Variants in KIF5C observed in about 807,000 individuals in gnomAD.
KIF5C encodes the protein kinesin heavy chain isoform 5C.
Under a neutral mutation model 125.2 loss-of-function variants are expected in KIF5C, and 18 were observed. The observed-to-expected ratio is 0.14, with a 90% CI of 0.10 to 0.21. KIF5C has a LOEUF of 0.21. Among genes scored for constraint, KIF5C ranks in the 10% least tolerant of loss-of-function variants. The probability of loss-of-function intolerance (pLI) is 1.00; values close to 1 mark genes in which losing one functional copy is unlikely to be tolerated. For synonymous variants in KIF5C, 405 were observed against 434.0 expected, an observed-to-expected ratio of 0.93 and a Z score of 0.83; for missense variants, 780 against 1,183.8, an observed-to-expected ratio of 0.66 and a Z score of 5.01.
At chr2:148,963,814 A>T (rs574670353) in intron 11 of KIF5C, among the ~76,000 whole-genome samples, 21 of 152,214 alleles carry the variant, frequency 1.4e-4, no homozygotes, top group East Asian at 3.9e-4. Flanking sequence ...ATCATTTTGC[A>T]TCTCTTGCCA....
intron 25 of KIF5C, among the ~76,000 whole-genome samples, chr2:149,017,532 A>G (rs1682399994): frequency 1.3e-5 from 2 of 152,162 alleles, no homozygotes; most frequent in South Asian, 4.2e-4. Context: ...CTTCCTTTCC[A>G]GGCAGTGCTT....
chr2:148,981,308 C>T (rs1198396472), intron 13 of KIF5C, 47 bp from the exon 14 acceptor site: 4 of 1,542,564 alleles, frequency 2.6e-6, no homozygotes, highest in East Asian at 2.3e-5. Flanking sequence ...AGAACATAAA[C>T]ATTTGAACAT....
chr2:148,953,831 G>A (rs1421353008), intron 10 of KIF5C, among the ~76,000 whole-genome samples: 3 of 152,078 alleles, frequency 2.0e-5, no homozygotes, highest in African/African-American at 7.2e-5. Context: ...CAGGATTATA[G>A]GTTAGATACT....
chr2:149,013,108 G>A (rs2105204494), intron 25 of KIF5C, among the ~76,000 whole-genome samples: 1 of 152,334 alleles, frequency 6.6e-6, no homozygotes, highest in Admixed American at 6.5e-5. Context: ...ATTCATCGAA[G>A]TTTGAAAACT....
intron 1 of KIF5C, among the ~76,000 whole-genome samples, chr2:148,903,300 A>G (rs771658404): frequency 2.6e-5 from 4 of 152,220 alleles, no homozygotes; most frequent in Non-Finnish European, 5.9e-5. Context: ...CCACAAGAGC[A>G]TGGCTACTGG....
intron 1 of KIF5C, chr2:148,877,129 C>T (rs570397408): frequency 3.3e-5 from 5 of 152,392 alleles, no homozygotes; most frequent in Admixed American, 2.6e-4. Flanking sequence ...AGCGAAGGGC[C>T]CTGGGGACCA....
chr2:148,950,242 C>A, intron 9 of KIF5C, 72 bp from the exon 10 acceptor site: 2 of 1,567,276 alleles, frequency 1.3e-6, no homozygotes, highest in South Asian at 2.4e-5. Context: ...TGTCTTCATC[C>A]CTGACTTGCT....
chr2:149,005,429 C>T lies in KIF5C; in HGVS notation c.2410C>T (p.Leu804Phe). 1 of 1,613,886 alleles carries T rather than the reference C, an allele frequency of 6.2e-7. No individual in the cohort carries two copies. The highest frequency in any genetic ancestry group is 1.3e-5 in the African/African-American group (1 of 75,034). The change falls in exon 22 of 26, where the codon CTC becomes TTC. Residue 804 changes from leucine to phenylalanine, a missense_variant. Leu to Phe is a conservative substitution (Grantham distance 22). Coordinates refer to ENST00000435030, the MANE Select transcript of KIF5C (RefSeq NM_004522.3). ...GCAGACACTGCACAACCTTCGGAAA[C>T]TCTTTGTCCAGGATCTGACCACCCG... ...ELQTLHNLRK[L>F]FVQDLTTRVK...
intron 1 of KIF5C, 59 bp downstream of exon 1, chr2:148,875,802 C>T (rs1681164358): frequency 6.4e-7 from 1 of 1,551,764 alleles, no homozygotes; most frequent in East Asian, 2.4e-5. Flanking sequence ...GGCGCCCCGA[C>T]GCCCCAGACG....
chr2:148,952,371 T>C (rs929279558), intron 10 of KIF5C, among the ~76,000 whole-genome samples: 1 of 152,242 alleles, frequency 6.6e-6, no homozygotes, highest in African/African-American at 2.4e-5. Context: ...CCTTGGGGCA[T>C]TGCTGTTATC....
At chr2:148,890,698 G>A (rs1362269607) in intron 1 of KIF5C, among the ~76,000 whole-genome samples, 1 of 152,144 alleles carries the variant, frequency 6.6e-6, no homozygotes, top group African/African-American at 2.4e-5. Context: ...CCTATAGCTG[G>A]ATCAGAAATA....
Position 148,950,306 on chromosome 2 carries a change from C to T in KIF5C, c.820-8C>T. The T allele has an allele frequency of 1.2e-6, 2 of 1,611,484 alleles. No homozygotes were observed. The highest frequency in any genetic ancestry group is 8.5e-7 in the Non-Finnish European group (1 of 1,178,646). The stretch of plus-strand genomic sequence containing the variant: ...GTCAAAACCAATACTTTTTCTTTTC[C>T]TAAATAGAAAACACATGTGCCATAC... On this transcript the variant is annotated splice_polypyrimidine_tract_variant and splice_region_variant and intron_variant, in intron 9 of 25. Transcript: ENST00000435030.
chr2:148,980,584 C>G (rs551227728), intron 13 of KIF5C, among the ~76,000 whole-genome samples: 18 of 152,102 alleles, frequency 1.2e-4, no homozygotes, highest in African/African-American at 3.9e-4. Context: ...GTGAAGTCAA[C>G]CAGTTTACAA....
chr2:149,019,988 G>T (rs902383326), intron 25 of KIF5C, among the ~76,000 whole-genome samples: 4 of 152,212 alleles, frequency 2.6e-5, no homozygotes, highest in Admixed American at 2.6e-4. Context: ...GAGCAGGTCA[G>T]TTGGTCCAGT....
chr2:149,005,451 C>A lies in KIF5C; in HGVS notation c.2432C>A (p.Thr811Asn). Residue 811 changes from threonine (T) to asparagine (N), a missense_variant, in exon 22 of 26, where the codon ACC becomes AAC. Physicochemically the swap from Thr to Asn is moderately conservative, Grantham distance 65. This residue lies in a region of KIF5C where 573 missense variants were observed against 742.6 expected (regional missense o/e 0.77). Coordinates refer to ENST00000435030, the MANE Select transcript of KIF5C (RefSeq NM_004522.3). ...AAACTCTTTGTCCAGGATCTGACCA[C>A]CCGAGTTAAAAAAGTGAGTTCTCTT... is the stretch of plus-strand genomic sequence containing the variant. The part of the protein sequence containing the change: ...LRKLFVQDLT[T>N]RVKKSVELDN... 1.2e-6 allele frequency: 2 copies of A among 1,613,698 alleles called. No homozygotes were observed. Among genetic ancestry groups the A allele is most frequent in the South Asian group, 2.2e-5 (2 of 90,938 alleles).
intron 10 of KIF5C, among the ~76,000 whole-genome samples, chr2:148,959,578 G>T (rs1682876682): frequency 2.0e-5 from 3 of 152,172 alleles, no homozygotes; most frequent in Admixed American, 2.0e-4. Context: ...GCTGAATGAA[G>T]TCTCGGGCTC....
intron 24 of KIF5C, among the ~76,000 whole-genome samples, chr2:149,010,728 C>A (rs1030557829): frequency 6.6e-5 from 10 of 152,228 alleles, no homozygotes; most frequent in African/African-American, 1.9e-4. Flanking sequence ...CCGGTGGGAG[C>A]ATGAAGGAGC....
chr2:148,957,616 A>C (rs1373061040), intron 10 of KIF5C, among the ~76,000 whole-genome samples: 2 of 149,772 alleles, frequency 1.3e-5, no homozygotes, highest in African/African-American at 5.0e-5. Context: ...AAAAAAAAAA[A>C]ACAATAAACC....
chr2:148,937,520 T>C lies in KIF5C; in HGVS notation c.396+132T>C. On this transcript the variant is annotated intron_variant, in intron 4 of 25. Coordinates refer to ENST00000435030, the MANE Select transcript of KIF5C (RefSeq NM_004522.3). ...GACATTCTTGTGGTAAGCAGAGCCC[T>C]CTTTATTAGTGACCTAGGCTAACAG... 11 of 1,277,856 alleles carry C rather than the reference T, an allele frequency of 8.6e-6. No homozygotes were observed. The South Asian group carries it at 1.4e-4, about 16-fold the overall frequency. The allele number at this position is 1,277,856 out of a possible 1,614,324, so 79.2% of individuals were successfully genotyped here. A position where few individuals can be genotyped will look rare whatever the true frequency, so the allele number is the denominator to read the frequency against.
Sources: gnomAD v4.1 joint callset for allele counts (sites outside exome capture counted in the v4.1 genomes callset) on GRCh38, gnomAD v4.1.1 for gene constraint, gnomAD v4.1.1 regional missense constraint, MANE v1.5 for transcripts, NCBI Gene and HGNC (gene_info 2026-07-23, HGNC 2026-07-21) for gene names.